Variants in DGKB observed in about 807,000 individuals in gnomAD.
The protein encoded by DGKB is diacylglycerol kinase beta, also known as 90 kDa diacylglycerol kinase.
Under a neutral mutation model 114.3 loss-of-function variants are expected in DGKB, and 67 were observed. The ratio of observed to expected loss-of-function variants is 0.59; its 90% CI spans 0.48 to 0.72. The LOEUF is 0.72. DGKB is among the 30% of genes least tolerant of loss of function. DGKB has a pLI of 0.00. For synonymous variants in DGKB, 398 were observed against 323.1 expected (o/e 1.23, Z -2.49); for missense variants, 907 against 975.2 (o/e 0.93, Z 0.93).
intron 21 of DGKB, among the ~76,000 whole-genome samples, chr7:14,355,183 C>A (rs1486239884): frequency 2.0e-5 from 3 of 152,128 alleles, no homozygotes; most frequent in Non-Finnish European, 1.5e-5. Context: ...ACCAACCCCC[C>A]ATCCTATTTA....
chr7:14,255,739 C>CTTTT (rs11299209), intron 23 of DGKB, among the ~76,000 whole-genome samples: 1 of 148,054 alleles, frequency 6.8e-6, no homozygotes, highest in Non-Finnish European at 1.5e-5. Flanking sequence ...CTTCTCATCT[C>CTTTT]TTTTTTTTTT....
At chr7:14,213,046 A>C (rs545173164) in intron 23 of DGKB, among the ~76,000 whole-genome samples, 1 of 151,994 alleles carries the variant, frequency 6.6e-6, no homozygotes, top group South Asian at 2.1e-4. Context: ...ATTTTTGTCT[A>C]TTCTTATACT....
chr7:14,209,979 T>C (rs1787493558), intron 23 of DGKB, among the ~76,000 whole-genome samples: 1 of 151,962 alleles, frequency 6.6e-6, no homozygotes, highest in Non-Finnish European at 1.5e-5. Flanking sequence ...AAATGGGTGG[T>C]CTTTGGATTA....
intron 21 of DGKB, among the ~76,000 whole-genome samples, chr7:14,475,694 T>A (rs1782060247): frequency 6.6e-6 from 1 of 152,114 alleles, no homozygotes; most frequent in Admixed American, 6.6e-5. Flanking sequence ...CATTCATGAC[T>A]CAAATTTGCA....
At chr7:14,469,485 G>T (rs979931899) in intron 21 of DGKB, among the ~76,000 whole-genome samples, 3 of 151,976 alleles carry the variant, frequency 2.0e-5, no homozygotes, top group African/African-American at 7.2e-5. Flanking sequence ...AGGGAGAAAA[G>T]TTATTCCCTT....
chr7:14,610,743 A>C (rs965293116), intron 16 of DGKB, among the ~76,000 whole-genome samples: 3 of 152,020 alleles, frequency 2.0e-5, no homozygotes, highest in Admixed American at 6.6e-5. Flanking sequence ...AAAACCTAGG[A>C]AATACCCTAT....
intron 25 of DGKB, among the ~76,000 whole-genome samples, chr7:14,174,165 G>A (rs558955059): frequency 9.2e-5 from 14 of 152,052 alleles, no homozygotes; most frequent in Admixed American, 2.6e-4. Context: ...AGCATGCACC[G>A]GGGCCATTTT....
At chr7:14,964,490 A>G (rs1356676634) in intron 1 of DGKB, among the ~76,000 whole-genome samples, 1 of 152,196 alleles carries the variant, frequency 6.6e-6, no homozygotes. Flanking sequence ...ACAGAGCTAG[A>G]CGTTGTCTCA....
chr7:14,914,673 T>C (rs1421667991), intron 1 of DGKB, among the ~76,000 whole-genome samples: 1 of 151,848 alleles, frequency 6.6e-6, no homozygotes, highest in South Asian at 2.1e-4. Context: ...AGAACTAGAC[T>C]CAGATATGAC....
intron 1 of DGKB, among the ~76,000 whole-genome samples, chr7:14,915,048 G>A (rs1051940697): frequency 1.3e-5 from 2 of 152,036 alleles, no homozygotes; most frequent in African/African-American, 4.8e-5. Flanking sequence ...ACAAACATAA[G>A]CATCATCTGA....
At position 14,607,706 on chromosome 7, in the gene DGKB, C is replaced by T. The variant is rs1447541655; in HGVS notation, c.1359-198G>A. On this transcript the variant is annotated intron_variant, in intron 16 of 25. Transcript: ENST00000402815. ...TAGGAATTAATGGTTTTTTAAAAGG[C>T]TTAGTAGCCACTATTAAGGCAATAT... 2.0e-5 allele frequency among the ~76,000 whole-genome samples: 3 copies of T among 151,816 alleles called. No individual in the cohort carries two copies. The East Asian group carries it at 5.8e-4, about 29-fold the overall frequency.
chr7:14,909,159 T>A (rs1382157055), intron 1 of DGKB, among the ~76,000 whole-genome samples: 2 of 152,134 alleles, frequency 1.3e-5, no homozygotes, highest in Admixed American at 6.5e-5. Flanking sequence ...GCATCCAACT[T>A]GAAGAATTGA....
At chr7:14,802,645 A>T (rs1842318438) in intron 2 of DGKB, among the ~76,000 whole-genome samples, 1 of 152,152 alleles carries the variant, frequency 6.6e-6, no homozygotes, top group Non-Finnish European at 1.5e-5. Flanking sequence ...AAAAGTTTAG[A>T]GAATAAAACC....
chr7:14,710,227 C>G (rs1172992388), intron 6 of DGKB, among the ~76,000 whole-genome samples: 2 of 151,880 alleles, frequency 1.3e-5, no homozygotes. Context: ...AGAGACCTTT[C>G]AAATAGTTTT....
At chr7:14,160,829 G>T (rs1783767486) in intron 25 of DGKB, among the ~76,000 whole-genome samples, 1 of 152,054 alleles carries the variant, frequency 6.6e-6, no homozygotes, top group South Asian at 2.1e-4. Context: ...TAAGCAAAAA[G>T]AACAAAGCTG....
At chr7:14,306,449 G>C (rs1265344527) in intron 23 of DGKB, among the ~76,000 whole-genome samples, 1 of 151,872 alleles carries the variant, frequency 6.6e-6, no homozygotes, top group Non-Finnish European at 1.5e-5. Context: ...TTTTTTTCTG[G>C]TCAATATTAA....
intron 21 of DGKB, among the ~76,000 whole-genome samples, chr7:14,440,797 G>T (rs1333312407): frequency 6.6e-6 from 1 of 152,154 alleles, no homozygotes; most frequent in East Asian, 1.9e-4. Context: ...CTACTGACAA[G>T]TTGCTCTTCA....
At chr7:14,511,423 T>A (rs1410330258) in intron 20 of DGKB, among the ~76,000 whole-genome samples, 1 of 152,232 alleles carries the variant, frequency 6.6e-6, no homozygotes, top group Non-Finnish European at 1.5e-5. Context: ...ACTTTTCTTC[T>A]GCAGCTTCCT....
chr7:14,189,901 A>T (rs1029755663), intron 23 of DGKB, among the ~76,000 whole-genome samples: 1 of 152,204 alleles, frequency 6.6e-6, no homozygotes, highest in African/African-American at 2.4e-5. Flanking sequence ...GCACTCAAAT[A>T]TATAGAGCAA....
Sources: allele counts gnomAD v4.1 joint callset (sites outside exome capture counted in the v4.1 genomes callset), GRCh38; gene constraint gnomAD v4.1.1; transcripts MANE v1.5; gene names NCBI Gene and HGNC (gene_info 2026-07-23, HGNC 2026-07-21).